SPAG16: variants seen among roughly 807,000 people sequenced by gnomAD.
SPAG16 encodes the protein sperm associated antigen 16, also known as sperm-associated antigen 16 protein.
In SPAG16, 86 loss-of-function variants were observed where a neutral mutation model predicts 80.4. The observed-to-expected ratio is 1.07, with a 90% CI of 0.90 to 1.28. The LOEUF (loss-of-function observed/expected upper bound fraction) is 1.28. Among genes scored for constraint, SPAG16 ranks in the 50% most tolerant of loss-of-function variants. The pLI is 0.00. For missense variants in SPAG16, 870 were observed against 765.3 expected (o/e 1.14, Z -1.61); for synonymous variants, 294 against 265.9 (o/e 1.11, Z -1.03).
intron 13 of SPAG16, among the ~76,000 whole-genome samples, chr2:214,062,112 A>C (rs762966604): frequency 1.3e-5 from 2 of 151,926 alleles, no homozygotes; most frequent in Non-Finnish European, 2.9e-5. Flanking sequence ...AGACATCTTA[A>C]AGTTACATCA....
chr2:213,325,224 A>C (rs1461701966), intron 5 of SPAG16, among the ~76,000 whole-genome samples: 1 of 152,012 alleles, frequency 6.6e-6, no homozygotes, highest in Non-Finnish European at 1.5e-5. Flanking sequence ...AGACACTATA[A>C]ATTTTAATGA....
intron 10 of SPAG16, among the ~76,000 whole-genome samples, chr2:213,712,115 A>G (rs911981923): frequency 2.6e-5 from 4 of 152,128 alleles, no homozygotes; most frequent in Non-Finnish European, 5.9e-5. Flanking sequence ...GTACAATGAT[A>G]TGGCCATGGA....
intron 11 of SPAG16, among the ~76,000 whole-genome samples, chr2:213,928,904 T>TACACACACACACACACAC (rs71063798): frequency 7.0e-6 from 1 of 142,978 alleles, no homozygotes; most frequent in African/African-American, 2.7e-5. Flanking sequence ...CAGCTGATGT[T>TACACACACACACACACAC]ACACACACAC....
chr2:214,279,759 T>A (rs1398488443), intron 15 of SPAG16, among the ~76,000 whole-genome samples: 1 of 152,158 alleles, frequency 6.6e-6, no homozygotes, highest in Non-Finnish European at 1.5e-5. Context: ...TTGACCAAGA[T>A]ATATACTAAG....
At chr2:213,577,248 A>T (rs932866904) in intron 10 of SPAG16, among the ~76,000 whole-genome samples, 2 of 152,184 alleles carry the variant, frequency 1.3e-5, no homozygotes, top group Admixed American at 1.3e-4. Context: ...ATCCTAGATA[A>T]CCAGAAGTAC....
rs556591846 is a variant in SPAG16, at chr2:213,545,499, A to T, written c.1070+55409A>T. On this transcript the variant is annotated intron_variant, in intron 10 of 15. Coordinates refer to ENST00000331683, the MANE Select transcript of SPAG16 (RefSeq NM_024532.5). ...TCCAGCTTATCAATTTATTTTGTGA[A>T]CTCTGCCTTTGGTATTGTATCAAAA... Among the ~76,000 whole-genome samples the T allele has an allele frequency of 6.0e-4, 91 of 152,106 alleles. No homozygotes were observed. The South Asian group carries it at 0.017, about 28-fold the overall frequency.
At chr2:213,391,022 C>A (rs1248215982) in intron 9 of SPAG16, among the ~76,000 whole-genome samples, 1 of 152,284 alleles carries the variant, frequency 6.6e-6, no homozygotes, top group Non-Finnish European at 1.5e-5. Flanking sequence ...GTAATCCCAG[C>A]ACTTTGGGAG....
intron 10 of SPAG16, among the ~76,000 whole-genome samples, chr2:213,513,569 C>A (rs2075313125): frequency 6.6e-6 from 1 of 152,062 alleles, no homozygotes; most frequent in Non-Finnish European, 1.5e-5. Context: ...GTGTCTTCGA[C>A]ACATGACCTT....
At chr2:213,467,948 C>A (rs936192907) in intron 9 of SPAG16, among the ~76,000 whole-genome samples, 1 of 152,166 alleles carries the variant, frequency 6.6e-6, no homozygotes, top group African/African-American at 2.4e-5. Flanking sequence ...AGAGACTGTA[C>A]CTTTTTTCTT....
In SPAG16 at chr2:213,629,292, T is replaced by A. The variant is rs569029007; in HGVS notation, c.1070+139202T>A. ...CAGGAATCACTGTAGCCATTTCTTC[T>A]TAGCCATTGCAACCAAGGACTACAC... is the stretch of plus-strand genomic sequence containing the variant. On this transcript the variant is annotated intron_variant, in intron 10 of 15. Transcript: ENST00000331683. Among the ~76,000 whole-genome samples the A allele has an allele frequency of 2.2e-4, 34 of 152,304 alleles. No individual in the cohort carries two copies. In the South Asian group the frequency reaches 3.9e-3, roughly 18 times the overall value.
chr2:213,888,628 T>G (rs2076661843), intron 11 of SPAG16, among the ~76,000 whole-genome samples: 1 of 151,872 alleles, frequency 6.6e-6, no homozygotes. Context: ...CTGTCTCATG[T>G]CTAATAATGA....
chr2:213,920,394 A>G (rs184887627), intron 11 of SPAG16, among the ~76,000 whole-genome samples: 1 of 152,256 alleles, frequency 6.6e-6, no homozygotes, highest in African/African-American at 2.4e-5. Flanking sequence ...GTATACTGGC[A>G]GGTTAGGATG....
intron 15 of SPAG16, among the ~76,000 whole-genome samples, chr2:214,210,946 A>G (rs1418753253): frequency 2.6e-5 from 4 of 152,168 alleles, no homozygotes; most frequent in Non-Finnish European, 5.9e-5. Flanking sequence ...TATCTAGAAT[A>G]TCTGACAACA....
intron 10 of SPAG16, among the ~76,000 whole-genome samples, chr2:213,561,680 A>G (rs1322880355): frequency 6.6e-6 from 1 of 152,184 alleles, no homozygotes; most frequent in East Asian, 1.9e-4. Context: ...TTTTAGAATC[A>G]AGTCATATTT....
intron 11 of SPAG16, among the ~76,000 whole-genome samples, chr2:213,885,220 G>GCAA (rs2076505702): frequency 6.6e-6 from 1 of 152,134 alleles, no homozygotes; most frequent in Admixed American, 6.5e-5. Context: ...TTCACAGAAG[G>GCAA]GTATATTAGC....
chr2:214,104,086 G>C (rs1025986017), intron 13 of SPAG16, among the ~76,000 whole-genome samples: 1 of 152,178 alleles, frequency 6.6e-6, no homozygotes, highest in African/African-American at 2.4e-5. Flanking sequence ...ATGCCTCAGG[G>C]TGAGATGTCC....
chr2:213,366,349 C>G (rs1223680277), intron 8 of SPAG16, among the ~76,000 whole-genome samples: 1 of 151,962 alleles, frequency 6.6e-6, no homozygotes, highest in Non-Finnish European at 1.5e-5. Context: ...AAGAGAACCA[C>G]TCCTGAACAC....
At chr2:214,211,192 G>A (rs1239005682) in intron 15 of SPAG16, among the ~76,000 whole-genome samples, 2 of 152,248 alleles carry the variant, frequency 1.3e-5, no homozygotes, top group East Asian at 1.9e-4. Context: ...ACATTTGAAT[G>A]TATTAGTCTA....
intron 15 of SPAG16, among the ~76,000 whole-genome samples, chr2:214,206,831 A>G (rs2058157517): frequency 6.6e-6 from 1 of 152,016 alleles, no homozygotes; most frequent in African/African-American, 2.4e-5. Flanking sequence ...ATATCACCCA[A>G]CTGGGATGAG....
Sources: allele counts gnomAD v4.1 joint callset (sites outside exome capture counted in the v4.1 genomes callset), GRCh38; gene constraint gnomAD v4.1.1; transcripts MANE v1.5; gene names NCBI Gene and HGNC (gene_info 2026-07-23, HGNC 2026-07-21).